Variants in SUPT3H observed in about 807,000 individuals in gnomAD.
SUPT3H encodes the protein SPT3 homolog, SAGA and STAGA complex component.
Under a neutral mutation model 44.3 loss-of-function variants are expected in SUPT3H, and 44 were observed. The ratio of observed to expected loss-of-function variants is 0.99; its 90% CI spans 0.78 to 1.28. SUPT3H has a LOEUF of 1.28. SUPT3H is among the 50% of genes most tolerant of loss of function. The probability of loss-of-function intolerance (pLI) is 0.00; values close to 1 mark genes in which losing one functional copy is unlikely to be tolerated. For synonymous variants in SUPT3H, 124 were observed against 125.6 expected (o/e 0.99, Z 0.09); for missense variants, 380 against 387.1 (o/e 0.98, Z 0.15).
At chr6:45,165,627 A>G (rs1809714541) in intron 2 of SUPT3H, among the ~76,000 whole-genome samples, 1 of 152,210 alleles carries the variant, frequency 6.6e-6, no homozygotes, top group Non-Finnish European at 1.5e-5. Flanking sequence ...TGCAGAGAAG[A>G]AGGATTGCAA....
At chr6:45,351,857 A>G (rs1212911458) in intron 2 of SUPT3H, among the ~76,000 whole-genome samples, 1 of 152,150 alleles carries the variant, frequency 6.6e-6, no homozygotes, top group Admixed American at 6.5e-5. Flanking sequence ...GAGCACTTTG[A>G]AAAAGAGTAA....
chr6:45,248,740 C>A (rs1008630761), intron 2 of SUPT3H, among the ~76,000 whole-genome samples: 2 of 152,048 alleles, frequency 1.3e-5, no homozygotes, highest in Admixed American at 1.3e-4. Flanking sequence ...CATGGTGAAA[C>A]CCAGTCTCTA....
At chr6:45,033,785 A>G (rs951522702) in intron 3 of SUPT3H, among the ~76,000 whole-genome samples, 7 of 152,160 alleles carry the variant, frequency 4.6e-5, no homozygotes, top group Non-Finnish European at 7.3e-5. Context: ...TATCTAAAGA[A>G]AATATTCCTA....
intron 10 of SUPT3H, among the ~76,000 whole-genome samples, chr6:44,927,860 G>A (rs551937161): frequency 5.6e-4 from 85 of 152,246 alleles, no homozygotes; most frequent in Admixed American, 2.5e-3. Flanking sequence ...GATAGGCTCG[G>A]TGTGTACATA....
intron 2 of SUPT3H, among the ~76,000 whole-genome samples, chr6:45,179,080 A>G (rs1812596744): frequency 6.6e-6 from 1 of 152,168 alleles, no homozygotes; most frequent in Non-Finnish European, 1.5e-5. Flanking sequence ...ACAAACTACC[A>G]TCAGAGAATA....
chr6:44,822,350 T>G (rs1261830895), downstream of SUPT3H, among the ~76,000 whole-genome samples: 1 of 152,254 alleles, frequency 6.6e-6, no homozygotes, highest in Non-Finnish European at 1.5e-5. Context: ...TATATTTGCT[T>G]TAAGTTCAGT....
At chr6:45,180,481 C>G (rs1812936503) in intron 2 of SUPT3H, among the ~76,000 whole-genome samples, 1 of 143,058 alleles carries the variant, frequency 7.0e-6, no homozygotes, top group Non-Finnish European at 1.5e-5. Context: ...TACAAGGCTA[C>G]AGTAACCAAA....
rs900374880 is a variant in SUPT3H, at chr6:45,236,131, CTG to C, written c.101+129068_101+129069del. 2.5e-3 allele frequency among the ~76,000 whole-genome samples: 100 copies of C among 40,158 alleles called. 1 individual carries two copies. Among genetic ancestry groups the C allele is most frequent in the Non-Finnish European group, 3.9e-3 (69 of 17,726 alleles). 26.3% of individuals were successfully genotyped at this position (40,158 alleles called of 152,430 possible). ...TGTTCGGGGCTCTCAGTTCTGAAGG[CTG>C]TGAGTCCCGATTTCCCACTCCACAC... On this transcript the variant is annotated intron_variant, in intron 2 of 10. Transcript: ENST00000371459.
chr6:45,276,260 T>C lies in SUPT3H; in HGVS notation c.101+88941A>G, dbSNP rs531289297. 1.8e-4 allele frequency among the ~76,000 whole-genome samples: 28 copies of C among 152,208 alleles called. No individual in the cohort carries two copies. The East Asian group carries it at 5.4e-3, about 29-fold the overall frequency. On this transcript the variant is annotated intron_variant, in intron 2 of 10. Transcript: ENST00000371459. ...AATAGAATAATATAGCACAACTAAA[T>C]GGAGTTTATATATTAGTACCATTTA...
intron 6 of SUPT3H, among the ~76,000 whole-genome samples, chr6:44,971,978 G>A (rs1582832413): frequency 1.3e-5 from 2 of 152,068 alleles, no homozygotes; most frequent in African/African-American, 2.4e-5. Flanking sequence ...GTTTCACCAT[G>A]TTAGCCAGGA....
At chr6:45,280,792 T>C (rs1777897780) in intron 2 of SUPT3H, among the ~76,000 whole-genome samples, 1 of 151,860 alleles carries the variant, frequency 6.6e-6, no homozygotes, top group Admixed American at 6.6e-5. Flanking sequence ...TTATTAAGAA[T>C]AGTTTATGCC....
chr6:45,111,280 C>T (rs1012632900), intron 2 of SUPT3H, among the ~76,000 whole-genome samples: 2 of 152,170 alleles, frequency 1.3e-5, no homozygotes, highest in Non-Finnish European at 2.9e-5. Flanking sequence ...ATCTGCCCAC[C>T]TCAGCCTCCC....
chr6:45,359,657 T>C (rs1793887806), intron 2 of SUPT3H, among the ~76,000 whole-genome samples: 3 of 152,184 alleles, frequency 2.0e-5, no homozygotes, highest in African/African-American at 2.4e-5. Flanking sequence ...ATAATTTCTA[T>C]GAAAAAGTAT....
chr6:45,177,237 G>A (rs1435045192), intron 2 of SUPT3H, among the ~76,000 whole-genome samples: 1 of 152,202 alleles, frequency 6.6e-6, no homozygotes, highest in African/African-American at 2.4e-5. Flanking sequence ...AGCTGATGGA[G>A]CTGAAAACCA....
rs1223545377 is a variant in SUPT3H at position 45,219,630 on chromosome 6, T to C, written c.102-113624A>G. Among the ~76,000 whole-genome samples, 3 of 152,162 alleles carry C rather than the reference T, an allele frequency of 2.0e-5. No individual in the cohort carries two copies. In the East Asian group the frequency reaches 5.8e-4, roughly 29 times the overall value. ...TCCTATAACAATGTTAAAAATTGAA[T>C]TCATAATTTTATAGCTCCCCCCAAT... is the stretch of plus-strand genomic sequence containing the variant. On this transcript the variant is annotated intron_variant, in intron 2 of 10. Transcript: ENST00000371459.
intron 10 of SUPT3H, among the ~76,000 whole-genome samples, chr6:44,889,193 A>T (rs1762853272): frequency 6.6e-6 from 1 of 152,186 alleles, no homozygotes; most frequent in Admixed American, 6.5e-5. Flanking sequence ...CATACTGTCC[A>T]AGGTAATTTA....
chr6:45,050,443 A>G (rs910256431), intron 3 of SUPT3H, among the ~76,000 whole-genome samples: 18 of 114,520 alleles, frequency 1.6e-4, no homozygotes, highest in African/African-American at 5.9e-4. Flanking sequence ...AAGCATTGAA[A>G]GGCAAAGAAA....
chr6:45,183,660 C>A (rs1241534143), intron 2 of SUPT3H, among the ~76,000 whole-genome samples: 6 of 152,234 alleles, frequency 3.9e-5, no homozygotes, highest in African/African-American at 1.4e-4. Flanking sequence ...CCGCCTCCAA[C>A]ACTGGGGATC....
intron 10 of SUPT3H, among the ~76,000 whole-genome samples, chr6:44,893,330 ACT>A (rs1763597399): frequency 6.6e-6 from 1 of 152,102 alleles, no homozygotes; most frequent in Non-Finnish European, 1.5e-5. Flanking sequence ...GCACCCACTA[ACT>A]CGTCATCTAG....
Sources: allele counts gnomAD v4.1 joint callset (sites outside exome capture counted in the v4.1 genomes callset), GRCh38; gene constraint gnomAD v4.1.1; transcripts MANE v1.5; gene names NCBI Gene and HGNC (gene_info 2026-07-23, HGNC 2026-07-21).